PAX8: variants seen among roughly 807,000 people sequenced by gnomAD.
PAX8 encodes the protein paired box 8, also known as paired box protein Pax-8.
PAX8 carries 15 observed loss-of-function variants against 52.4 expected under a neutral mutation model. That is an observed-to-expected ratio of 0.29 (90% confidence interval 0.19 to 0.44). The LOEUF is 0.44. Ranked by LOEUF, PAX8 falls within the 20% of genes least tolerant of loss-of-function variation. The probability of loss-of-function intolerance (pLI) is 1.00; values close to 1 mark genes in which losing one functional copy is unlikely to be tolerated. For missense variants in PAX8, 554 were observed against 602.5 expected (o/e 0.92, Z 0.84); for synonymous variants, 284 against 249.7 (o/e 1.14, Z -1.29).
intron 2 of PAX8, chr2:113,255,338 T>A (rs1283248440): frequency 7.0e-6 from 1 of 143,290 alleles, no homozygotes; most frequent in East Asian, 2.1e-4. Context: ...GATCTACAAG[T>A]CTAGTGAAGC....
rs1251351812 is a variant in PAX8 at position 113,249,834 on chromosome 2, T to C, written c.26-2915A>G. On this transcript the variant is annotated intron_variant, in intron 2 of 11. Coordinates refer to ENST00000429538, the MANE Select transcript of PAX8 (RefSeq NM_003466.4). ...ACTTTGTGTTACTGTGGAAAGAGTC[T>C]TGGGCCTGATCCCTTCTTTGACACT... Among the ~76,000 whole-genome samples the C allele has an allele frequency of 4.6e-5, 7 of 152,348 alleles. No homozygotes were observed. In the East Asian group the frequency reaches 1.3e-3, roughly 29 times the overall value.
At chr2:113,226,572 C>G (rs1265043625) in intron 10 of PAX8, 1 of 1,010,416 alleles carries the variant, frequency 9.9e-7, no homozygotes, top group Non-Finnish European at 1.2e-6. Context: ...TCATTTCATC[C>G]TCTATAGTAC....
At chr2:113,218,639 C>T (rs1418756227) in intron 11 of PAX8, 30 bp from the exon 12 acceptor site, 1 of 1,432,456 alleles carries the variant, frequency 7.0e-7, no homozygotes, top group South Asian at 1.2e-5. Flanking sequence ...ATAACAACAA[C>T]ACTGCTGGTC....
intron 2 of PAX8, among the ~76,000 whole-genome samples, chr2:113,261,207 G>A (rs1231772384): frequency 6.6e-6 from 1 of 152,124 alleles, no homozygotes; most frequent in African/African-American, 2.4e-5. Flanking sequence ...GAAACAGGGG[G>A]TGCTGAGAAT....
At chr2:113,277,577 TC>T (rs1693911841) in intron 2 of PAX8, among the ~76,000 whole-genome samples, 1 of 151,850 alleles carries the variant, frequency 6.6e-6, no homozygotes, top group East Asian at 1.9e-4. Context: ...GCGCTGCGCC[TC>T]CACCGCTGTC....
In PAX8 at chr2:113,236,593, C is replaced by A. The variant is rs755416098; in HGVS notation, c.898+8G>T. 7 of 1,563,690 alleles carry A rather than the reference C, an allele frequency of 4.5e-6. No homozygotes were observed. Among genetic ancestry groups the A allele is most frequent in the Admixed American group, 1.9e-5 (1 of 52,596 alleles). ...CTCCACCTGCCAGGGAGGCTCCGGG[C>A]GTTGTACCTGCCACCACGGGGTAGG... On this transcript the variant is annotated splice_region_variant and intron_variant, in intron 8 of 11. Coordinates refer to ENST00000429538, the MANE Select transcript of PAX8 (RefSeq NM_003466.4).
At chr2:113,238,955 G>T (rs941775567) in intron 7 of PAX8, 2 of 151,602 alleles carry the variant, frequency 1.3e-5, no homozygotes, top group Non-Finnish European at 2.9e-5. Flanking sequence ...GATTTTTTTT[G>T]ATGCATTTGT....
chr2:113,241,773 T>C, intron 6 of PAX8, 47 bp from the exon 7 acceptor site: 1 of 1,602,764 alleles, frequency 6.2e-7, no homozygotes, highest in Non-Finnish European at 8.5e-7. Flanking sequence ...ACCTATCTAT[T>C]CATGCTCTAG....
At position 113,220,160 on chromosome 2, in the gene PAX8, T is replaced by C. The variant is rs1432406051; in HGVS notation, c.1208A>G (p.Asn403Ser). ...GMVAGSEYSG[N>S]AYGHTPYSSY... is the part of the protein sequence containing the mutation. ...GGAGTAGGGGGTGTGGCCATAGGCA[T>C]TGCCAGAGTATTCACTTCCTGTTGG... The change falls in exon 11 of 12, where the codon AAT (asparagine) becomes AGT (serine). Residue 403 changes from asparagine to serine, a missense_variant. Physicochemically the swap from Asn to Ser is conservative, Grantham distance 46. Around this residue, in one of 2 missense-constraint regions of PAX8, gnomAD observed 445 missense variants for 409.9 expected, o/e 1.09. Coordinates refer to ENST00000429538, the MANE Select transcript of PAX8 (RefSeq NM_003466.4). 1.1e-5 allele frequency: 18 copies of C among 1,613,672 alleles called. No individual in the cohort carries two copies. Among genetic ancestry groups the C allele is most frequent in the Admixed American group, 1.7e-5 (1 of 59,988 alleles).
At chr2:113,241,191 A>G (rs1200795532) in intron 7 of PAX8, 3 of 397,724 alleles carry the variant, frequency 7.5e-6, no homozygotes, top group East Asian at 1.2e-4. Flanking sequence ...GCTAGGAAAT[A>G]GTGGCTGAGG....
intron 2 of PAX8, among the ~76,000 whole-genome samples, chr2:113,253,826 A>G (rs1388504795): frequency 2.0e-5 from 3 of 152,152 alleles, no homozygotes; most frequent in East Asian, 3.8e-4. Context: ...AGGGGAAGAA[A>G]AAGTCTCATA....
At position 113,278,839 on chromosome 2, in the gene PAX8, C is replaced by T; in HGVS notation, c.-84G>A. On this transcript the variant is annotated 5_prime_UTR_variant, in exon 1 of 12. Coordinates refer to ENST00000429538, the MANE Select transcript of PAX8 (RefSeq NM_003466.4). ...ACCCCTGGGTGACATACCTGGCCGG[C>T]CGGCTGCAGGCCCTCACTGCTTGGG... is the stretch of plus-strand genomic sequence containing the variant. 2.8e-6 allele frequency: 3 copies of T among 1,068,398 alleles called. No homozygotes were observed. The highest frequency in any genetic ancestry group is 3.4e-6 in the Non-Finnish European group (3 of 880,288). The allele number at this position is 1,068,398 out of a possible 1,614,324, so 66.2% of individuals were successfully genotyped here.
chr2:113,235,547 G>A lies in PAX8; in HGVS notation c.934C>T (p.Pro312Ser), dbSNP rs1189467664. 1 of 1,613,756 alleles carries A rather than the reference G, an allele frequency of 6.2e-7. No individual in the cohort carries two copies. Among genetic ancestry groups the A allele is most frequent in the Admixed American group, 1.7e-5 (1 of 60,006 alleles). Residue 312 changes from proline (P) to serine (S), a missense_variant, in exon 9 of 12, where the codon CCC (proline) becomes TCC (serine). Around this residue, in one of 2 missense-constraint regions of PAX8, gnomAD observed 445 missense variants for 409.9 expected, o/e 1.09. Transcript: ENST00000429538. ...HSPFAIKQET[P>S]EVSSSSSTPS... ...GTGGAGCTAGAACTGGACACCTCGG[G>A]GGTTTCCTGCTTTATGGCGAAGGGT...
rs35799959 is a variant in PAX8, at chr2:113,250,266, C to CAA, written c.26-3349_26-3348dup. Among the ~76,000 whole-genome samples the CAA allele has an allele frequency of 5.7e-3, 587 of 102,912 alleles. 8 individuals are homozygous for CAA. Among genetic ancestry groups the CAA allele is most frequent in the East Asian group, 0.025 (68 of 2,724 alleles). 67.5% of individuals were successfully genotyped at this position (102,912 alleles called of 152,430 possible). A position where few individuals can be genotyped will look rare whatever the true frequency, so the allele number is the denominator to read the frequency against. On this transcript the variant is annotated intron_variant, in intron 2 of 11. Transcript: ENST00000429538. The stretch of plus-strand genomic sequence containing the variant: ...TGGGTGACAGAGCAAGACTCCATCT[C>CAA]AAAAAAAAAAAAAAAAAAGAAGATA...
intron 2 of PAX8, chr2:113,269,684 CAG>C (rs1693333663): frequency 6.6e-6 from 1 of 152,168 alleles, no homozygotes; most frequent in Non-Finnish European, 1.5e-5. Flanking sequence ...AATTGTGAGA[CAG>C]AGGCAGGTGG....
intron 6 of PAX8, 88 bp downstream of exon 6, chr2:113,241,920 A>G: frequency 6.5e-7 from 1 of 1,530,082 alleles, no homozygotes; most frequent in South Asian, 1.2e-5. Context: ...AAAGTCCCAT[A>G]TCATAAGTGG....
chr2:113,238,937 A>G (rs1194400898), intron 7 of PAX8: 4 of 152,272 alleles, frequency 2.6e-5, no homozygotes, highest in South Asian at 2.1e-4. Context: ...TGATATTCAT[A>G]TTCTGTTGAT....
intron 2 of PAX8, chr2:113,251,044 T>C (rs1301406900): frequency 6.6e-6 from 1 of 152,160 alleles, no homozygotes; most frequent in Non-Finnish European, 1.5e-5. Context: ...TTGAAAGACA[T>C]TTAGTGTGGC....
intron 2 of PAX8, among the ~76,000 whole-genome samples, chr2:113,277,694 A>T (rs922148202): frequency 6.6e-6 from 1 of 152,184 alleles, no homozygotes; most frequent in Non-Finnish European, 1.5e-5. Context: ...GAAAACAGGC[A>T]TCGCGGCCTG....
Sources: allele counts gnomAD v4.1 joint callset (sites outside exome capture counted in the v4.1 genomes callset), GRCh38; gene constraint gnomAD v4.1.1; regional missense constraint gnomAD v4.1.1; transcripts MANE v1.5; gene names NCBI Gene and HGNC (gene_info 2026-07-23, HGNC 2026-07-21).